Variants in FREM1 observed in about 807,000 individuals in gnomAD.
FREM1 encodes the protein FRAS1-related extracellular matrix protein 1.
Under a neutral mutation model 210.1 loss-of-function variants are expected in FREM1, and 220 were observed. The ratio of observed to expected loss-of-function variants is 1.05; its 90% confidence interval spans 0.94 to 1.17. FREM1 has a LOEUF of 1.17. FREM1 is among the 50% of genes most tolerant of loss of function. The pLI is 0.00. For missense variants in FREM1, 3,454 were observed against 2,675.5 expected (o/e 1.29, Z -6.42); for synonymous variants, 1,189 against 980.2 (o/e 1.21, Z -3.98).
chr9:14,868,750 A>C lies in FREM1; in HGVS notation c.228T>G (p.Thr76=). ...EPITQRVGKL[T]PQVFDCHFLP... ...AATCGCAGATAGGACCTACCTGTGG[A>C]GTGAGTTTCCCAACCCTCTGGGTTA... The change falls in exon 2 of 37, where the codon ACT becomes ACG. Residue 76 remains threonine (T), a synonymous_variant. Transcript: ENST00000380880. 6.2e-7 allele frequency: 1 copy of C among 1,605,650 alleles called. No individual in the cohort carries two copies. Among genetic ancestry groups the C allele is most frequent in the Non-Finnish European group, 8.5e-7 (1 of 1,174,374 alleles).
intron 22 of FREM1, among the ~76,000 whole-genome samples, chr9:14,792,272 G>GCACACGCA (rs1554665388): frequency 7.0e-6 from 1 of 142,244 alleles, no homozygotes; most frequent in African/African-American, 2.7e-5. Flanking sequence ...ACACACACAC[G>GCACACGCA]CACACACACA....
chr9:14,906,823 G>A (rs913745327), intron 1 of FREM1, among the ~76,000 whole-genome samples: 1 of 152,172 alleles, frequency 6.6e-6, no homozygotes, highest in African/African-American at 2.4e-5. Flanking sequence ...AAGAGTTCCA[G>A]GAAAGCAGAA....
chr9:14,869,017 C>G lies in FREM1; in HGVS notation c.-40G>C. The G allele has an allele frequency of 7.1e-7, 1 of 1,407,830 alleles. No homozygotes were observed. Among genetic ancestry groups the G allele is most frequent in the South Asian group, 1.3e-5 (1 of 75,764 alleles). 87.2% of individuals were successfully genotyped at this position (1,407,830 alleles called of 1,614,324 possible). ...ACTCTTCTCTGTCCACCGGCGAAAT[C>G]CCTTTAACAAAGGAGGGCTTCTGTG... On this transcript the variant is annotated 5_prime_UTR_variant, in exon 2 of 37. Coordinates refer to ENST00000380880, the MANE Select transcript of FREM1 (RefSeq NM_001379081.2).
intron 6 of FREM1, among the ~76,000 whole-genome samples, chr9:14,850,267 G>A (rs578122004): frequency 6.6e-6 from 1 of 152,120 alleles, no homozygotes; most frequent in Admixed American, 6.6e-5. Flanking sequence ...TTAGATAGAA[G>A]TAGGACCTTC....
At chr9:14,752,296 G>T (rs1165109909) in intron 29 of FREM1, among the ~76,000 whole-genome samples, 1 of 152,038 alleles carries the variant, frequency 6.6e-6, no homozygotes, top group Non-Finnish European at 1.5e-5. Flanking sequence ...GAAAGGATTA[G>T]GAGGGAGGAA....
chr9:14,843,111 T>G (rs1179056123), intron 8 of FREM1, among the ~76,000 whole-genome samples: 1 of 152,308 alleles, frequency 6.6e-6, no homozygotes, highest in African/African-American at 2.4e-5. Flanking sequence ...ATAGACTGAA[T>G]AGAACAAAAA....
chr9:14,769,499 C>G (rs558422781), intron 27 of FREM1, among the ~76,000 whole-genome samples: 1 of 152,268 alleles, frequency 6.6e-6, no homozygotes, highest in South Asian at 2.1e-4. Context: ...TGAACGTCAA[C>G]TTAGCTTTTT....
At chr9:14,860,565 A>ATGTT (rs1564098858) in intron 3 of FREM1, among the ~76,000 whole-genome samples, 1 of 125,974 alleles carries the variant, frequency 7.9e-6, no homozygotes, top group African/African-American at 3.3e-5. Context: ...ACACACATAT[A>ATGTT]TATACACATA....
chr9:14,877,095 CTCTT>C (rs1833897932), intron 1 of FREM1, among the ~76,000 whole-genome samples: 1 of 152,170 alleles, frequency 6.6e-6, no homozygotes, highest in South Asian at 2.1e-4. Context: ...GACTCCCTGA[CTCTT>C]TAATGCTGGG....
chr9:14,848,885 C>G, intron 6 of FREM1, 112 bp from the exon 7 acceptor site: 2 of 545,654 alleles, frequency 3.7e-6, no homozygotes, highest in Admixed American at 5.2e-5. Context: ...CGGGGATTCA[C>G]ATTTCTGCAG....
Position 14,861,056 on chromosome 9 carries a change from TATATACACATATACATATATAC to T in FREM1, c.330-1594_330-1573del, listed in dbSNP as rs1564105272. The stretch of plus-strand genomic sequence containing the variant: ...ATATATACATATATACATATATACA[TATATACACATATACATATATAC>T]ATATATACACATATATATAAACATA... On this transcript the variant is annotated intron_variant, in intron 3 of 36. Transcript: ENST00000380880. Among the ~76,000 whole-genome samples the T allele has an allele frequency of 2.8e-5, 2 of 71,404 alleles. 1 individual carries two copies. Among genetic ancestry groups the T allele is most frequent in the East Asian group, 2.3e-3 (2 of 856 alleles). The allele number at this position is 71,404 out of a possible 152,430, so 46.8% of individuals were successfully genotyped here. A position where few individuals can be genotyped will look rare whatever the true frequency, so the allele number is the denominator to read the frequency against.
chr9:14,783,871 C>G (rs896085250), intron 24 of FREM1, among the ~76,000 whole-genome samples: 2 of 152,142 alleles, frequency 1.3e-5, no homozygotes, highest in African/African-American at 4.8e-5. Flanking sequence ...GTTACCAGAA[C>G]ACATTGTGTC....
chr9:14,818,624 A>G lies in FREM1; in HGVS notation c.2546+610T>C, dbSNP rs111757139. ...GATTTTGTAGGAAAGTTTCTTACAG[A>G]ACTGCATTAGGTAGAGGAAATGAAA... On this transcript the variant is annotated intron_variant, in intron 14 of 36. Transcript: ENST00000380880. Among the ~76,000 whole-genome samples the G allele has an allele frequency of 4.5e-3, 688 of 152,308 alleles. 4 individuals carry two copies. The highest frequency in any genetic ancestry group is 7.3e-3 in the Non-Finnish European group (497 of 68,030).
At chr9:14,873,747 A>T (rs199798393) in intron 1 of FREM1, among the ~76,000 whole-genome samples, 10 of 151,984 alleles carry the variant, frequency 6.6e-5, no homozygotes, top group African/African-American at 1.9e-4. Context: ...CTAGTTCTTT[A>T]AATTGTGATG....
At chr9:14,769,662 C>T in intron 27 of FREM1, 62 bp downstream of exon 27, 5 of 1,504,966 alleles carry the variant, frequency 3.3e-6, no homozygotes, top group Non-Finnish European at 4.5e-6. Context: ...TTTCACTTTC[C>T]TAATATTCAG....
chr9:14,899,866 T>C (rs1350278366), intron 1 of FREM1, among the ~76,000 whole-genome samples: 1 of 152,224 alleles, frequency 6.6e-6, no homozygotes, highest in Non-Finnish European at 1.5e-5. Context: ...TACTAACTTA[T>C]CTGTCCTTTA....
chr9:14,802,836 C>T (rs1028256060), intron 19 of FREM1, among the ~76,000 whole-genome samples: 98 of 152,234 alleles, frequency 6.4e-4, no homozygotes, highest in African/African-American at 2.2e-3. Context: ...AACTATAACT[C>T]AAGGAAGAAA....
chr9:14,852,776 T>C (rs1455432574), intron 5 of FREM1, among the ~76,000 whole-genome samples: 1 of 152,212 alleles, frequency 6.6e-6, no homozygotes, highest in Non-Finnish European at 1.5e-5. Context: ...CCAGGCTCAG[T>C]TACCAAATTC....
intron 24 of FREM1, among the ~76,000 whole-genome samples, chr9:14,780,192 T>C (rs1849427426): frequency 1.3e-5 from 2 of 152,144 alleles, no homozygotes; most frequent in African/African-American, 4.8e-5. Flanking sequence ...GGATCCATTT[T>C]GTTTAATTTC....
Sources: gnomAD v4.1 joint callset for allele counts (sites outside exome capture counted in the v4.1 genomes callset) on GRCh38, gnomAD v4.1.1 for gene constraint, MANE v1.5 for transcripts, NCBI Gene and HGNC (gene_info 2026-07-23, HGNC 2026-07-21) for gene names.